Variants in KLHL14 observed in about 807,000 individuals in gnomAD.
KLHL14 encodes the protein kelch-like protein 14.
A neutral mutation model predicts 64.3 loss-of-function variants in KLHL14; 22 were observed. The ratio of observed to expected loss-of-function variants is 0.34; its 90% confidence interval spans 0.24 to 0.49. KLHL14 has a LOEUF of 0.49. Ranked by LOEUF, KLHL14 falls within the 20% of genes least tolerant of loss-of-function variation. The pLI is 0.99. For synonymous variants in KLHL14, 322 were observed against 333.4 expected, an observed-to-expected ratio of 0.97 and a Z score of 0.37; for missense variants, 661 against 789.0, an observed-to-expected ratio of 0.84 and a Z score of 1.94.
In KLHL14 at chr18:32,683,486, A is replaced by G. The variant is rs1179334664; in HGVS notation, c.1239-2887T>C. Among the ~76,000 whole-genome samples the G allele has an allele frequency of 1.1e-4, 16 of 152,160 alleles. No individual in the cohort carries two copies. Among genetic ancestry groups the G allele is most frequent in the Non-Finnish European group, 2.2e-4 (15 of 68,028 alleles). ...TTCCCATACCAGGTCTCTCTTGACAATGCTCCCTGCCCCTCTTCGCCACAT... is the reference window on the plus strand; with the variant it reads ...TTCCCATACCAGGTCTCTCTTGACAGTGCTCCCTGCCCCTCTTCGCCACAT... On this transcript the variant is annotated intron_variant, in intron 5 of 8. Coordinates refer to ENST00000359358, the MANE Select transcript of KLHL14 (RefSeq NM_020805.3). The surrounding 1 kb of genome is among the most constrained non-coding windows in gnomAD (Gnocchi z 4.2).
chr18:32,738,468 A>AT (rs1183516959), intron 3 of KLHL14: 1 of 152,162 alleles, frequency 6.6e-6, no homozygotes, highest in African/African-American at 2.4e-5. Context: ...CTTCCCTTTT[A>AT]TTATTAACAG....
chr18:32,704,792 T>C (rs967913169), intron 3 of KLHL14, among the ~76,000 whole-genome samples: 8 of 152,230 alleles, frequency 5.3e-5, no homozygotes, highest in African/African-American at 1.9e-4. Context: ...TGTGTACCTA[T>C]TGGTTATTAT....
chr18:32,772,203 C>T (rs1194911750), intron 1 of KLHL14: 2 of 397,598 alleles, frequency 5.0e-6, no homozygotes, highest in Admixed American at 2.7e-5. Flanking sequence ...CTCACTCTGC[C>T]CTGCCTGGCG....
intron 3 of KLHL14, among the ~76,000 whole-genome samples, chr18:32,715,835 G>A (rs2050042643): frequency 6.6e-6 from 1 of 152,150 alleles, no homozygotes; most frequent in African/African-American, 2.4e-5. Context: ...TAGCAAATCT[G>A]TATAATCATC....
At chr18:32,690,048 T>G (rs530926983) in intron 4 of KLHL14, among the ~76,000 whole-genome samples, 2 of 152,076 alleles carry the variant, frequency 1.3e-5, no homozygotes, top group Admixed American at 6.5e-5. Context: ...GGAAGAGAGT[T>G]AGGTTTAACC....
intron 3 of KLHL14, among the ~76,000 whole-genome samples, chr18:32,716,750 G>T (rs12954299): frequency 0.24 from 36,690 of 151,954 alleles, 4,641 homozygotes; most frequent in Middle Eastern, 0.32. Context: ...AATCAATTTT[G>T]TACCTTCATT....
chr18:32,696,770 A>G (rs1052898657), intron 3 of KLHL14, among the ~76,000 whole-genome samples: 1 of 152,106 alleles, frequency 6.6e-6, no homozygotes. Flanking sequence ...TGTTTTTATT[A>G]TCTTTTATTT....
chr18:32,712,802 A>C (rs930899102), intron 3 of KLHL14, among the ~76,000 whole-genome samples: 2 of 152,140 alleles, frequency 1.3e-5, no homozygotes, highest in Non-Finnish European at 2.9e-5. Context: ...TGTTAAATTA[A>C]CCTTCATGTT....
intron 2 of KLHL14, among the ~76,000 whole-genome samples, chr18:32,764,928 T>C (rs1423334025): frequency 6.6e-6 from 1 of 152,150 alleles, no homozygotes; most frequent in Non-Finnish European, 1.5e-5. Flanking sequence ...CCCTCACAAG[T>C]TTCTTTTTAA....
chr18:32,724,281 G>T (rs965756798), intron 3 of KLHL14, among the ~76,000 whole-genome samples: 1 of 152,170 alleles, frequency 6.6e-6, no homozygotes, highest in African/African-American at 2.4e-5. Context: ...ATCTCCTGGG[G>T]TTATTAAGGG....
In KLHL14 at chr18:32,765,093, G is replaced by C. The variant is rs566946112; in HGVS notation, c.947+4552C>G. On this transcript the variant is annotated intron_variant, in intron 2 of 8. Coordinates refer to ENST00000359358, the MANE Select transcript of KLHL14 (RefSeq NM_020805.3). ...TTCAGCTGTGCAATCATGGAGCAAT[G>C]CTTAACTGCTCTGTGCATCAGTTTT... Among the ~76,000 whole-genome samples, 42 of 152,242 alleles carry C rather than the reference G, an allele frequency of 2.8e-4. No individual in the cohort carries two copies. In the South Asian group the frequency reaches 8.7e-3, roughly 32 times the overall value.
chr18:32,738,793 C>G (rs1048654825), intron 3 of KLHL14: 2 of 152,096 alleles, frequency 1.3e-5, no homozygotes, highest in Admixed American at 6.6e-5. Context: ...CCCACTTTTT[C>G]ACTCCTACTC....
intron 3 of KLHL14, among the ~76,000 whole-genome samples, chr18:32,701,955 T>A (rs2049968175): frequency 6.6e-6 from 1 of 152,244 alleles, no homozygotes; most frequent in African/African-American, 2.4e-5. Flanking sequence ...TTTTTACATT[T>A]GTATCTTTGC....
chr18:32,770,164 T>C lies in KLHL14; in HGVS notation c.428A>G (p.Tyr143Cys). The change falls in exon 2 of 9, where the codon TAC becomes TGC. Residue 143 changes from tyrosine to cysteine, a missense_variant. Coordinates refer to ENST00000359358, the MANE Select transcript of KLHL14 (RefSeq NM_020805.3). The surrounding 1 kb of genome is among the most constrained non-coding windows in gnomAD (Gnocchi z 6.7). The stretch of plus-strand genomic sequence containing the variant: ...CAGGGACAGGGTCACGTTGGCCGTG[T>C]AGAGGTACTCGAGCACCAGGCGCAG... ...IGLRLVLEYL[Y>C]TANVTLSLDT... 3 of 1,613,950 alleles carry C rather than the reference T, an allele frequency of 1.9e-6. No homozygotes were observed. Among genetic ancestry groups the C allele is most frequent in the Non-Finnish European group, 2.5e-6 (3 of 1,179,928 alleles).
intron 3 of KLHL14, among the ~76,000 whole-genome samples, chr18:32,726,171 T>TAGCC (rs2050107221): frequency 6.6e-6 from 1 of 152,244 alleles, no homozygotes; most frequent in South Asian, 2.1e-4. Context: ...CAGCCATGCT[T>TAGCC]ATTTACTTAG....
chr18:32,684,103 GA>G (rs143560619), intron 5 of KLHL14, among the ~76,000 whole-genome samples: 4 of 151,538 alleles, frequency 2.6e-5, no homozygotes, highest in Admixed American at 2.0e-4. Context: ...AACTTTTACT[GA>G]AAAAAAATTA....
intron 3 of KLHL14, among the ~76,000 whole-genome samples, chr18:32,696,100 C>T (rs1233140095): frequency 6.6e-6 from 1 of 152,170 alleles, no homozygotes; most frequent in African/African-American, 2.4e-5. Flanking sequence ...TGATTTAATG[C>T]CTCCTCCAAA....
intron 3 of KLHL14, among the ~76,000 whole-genome samples, chr18:32,729,667 G>T (rs530545608): frequency 6.6e-6 from 1 of 150,894 alleles, no homozygotes; most frequent in South Asian, 2.1e-4. Context: ...TCTAAATAAG[G>T]CCACAAAATA....
intron 3 of KLHL14, among the ~76,000 whole-genome samples, chr18:32,707,466 T>G (rs947626452): frequency 1.3e-5 from 2 of 152,354 alleles, no homozygotes; most frequent in East Asian, 3.9e-4. Context: ...GGCTGGCATC[T>G]GAGAACTGAG....
Sources: allele counts gnomAD v4.1 joint callset (sites outside exome capture counted in the v4.1 genomes callset), GRCh38; gene constraint gnomAD v4.1.1; non-coding constraint Gnocchi (gnomAD v3.1); transcripts MANE v1.5; gene names NCBI Gene and HGNC (gene_info 2026-07-23, HGNC 2026-07-21).